SLC1A7: variants seen among roughly 807,000 people sequenced by gnomAD.
SLC1A7 encodes the protein solute carrier family 1 member 7.
In SLC1A7, 40 loss-of-function variants were observed where a neutral mutation model predicts 47.7. That is an observed-to-expected ratio of 0.84 (90% CI 0.65 to 1.09). SLC1A7 has a LOEUF of 1.09. SLC1A7 is among the 50% of genes least tolerant of loss of function. SLC1A7 has a pLI of 0.00. For missense variants in SLC1A7, 746 were observed against 769.5 expected (o/e 0.97, Z 0.36); for synonymous variants, 323 against 325.6 (o/e 0.99, Z 0.09).
At chr1:53,096,116 A>T (rs1644486736) in intron 5 of SLC1A7, among the ~76,000 whole-genome samples, 1 of 137,536 alleles carries the variant, frequency 7.3e-6, no homozygotes, top group Non-Finnish European at 1.6e-5. Flanking sequence ...CATTACACTC[A>T]CACACCCCAC....
intron 2 of SLC1A7, among the ~76,000 whole-genome samples, chr1:53,125,568 C>T (rs1644873600): frequency 6.6e-6 from 1 of 152,186 alleles, no homozygotes; most frequent in African/African-American, 2.4e-5. Context: ...TCAAGGCCTC[C>T]AAAATGAACC....
rs1644996084 is a variant in SLC1A7 at position 53,136,538 on chromosome 1, A to ATATATAT, written c.136-2116_136-2110dup. On this transcript the variant is annotated intron_variant, in intron 1 of 10. Transcript: ENST00000371494. ...CTTTAGTCCATATATTTATATAAAC[A>ATATATAT]TATATATAATATATATAAACATATA... Among the ~76,000 whole-genome samples the ATATATAT allele has an allele frequency of 5.7e-5, 3 of 52,500 alleles. No individual in the cohort carries two copies. The South Asian group carries it at 1.1e-3, about 20-fold the overall frequency. 34.4% of individuals were successfully genotyped at this position (52,500 alleles called of 152,430 possible).
chr1:53,123,636 G>T (rs1225489353), intron 2 of SLC1A7, among the ~76,000 whole-genome samples: 1 of 152,238 alleles, frequency 6.6e-6, no homozygotes, highest in East Asian at 1.9e-4. Context: ...ATCGGGCTGG[G>T]CCTCCCAGAG....
intron 5 of SLC1A7, chr1:53,102,125 C>A (rs1644590407): frequency 6.6e-6 from 1 of 152,262 alleles, no homozygotes; most frequent in African/African-American, 2.4e-5. Flanking sequence ...GTCAGATGTG[C>A]CGAGAGGCAC....
chr1:53,119,587 A>G (rs1040098081), intron 2 of SLC1A7, among the ~76,000 whole-genome samples: 1 of 152,060 alleles, frequency 6.6e-6, no homozygotes, highest in Non-Finnish European at 1.5e-5. Context: ...CCTGAGCCCA[A>G]ATGATCCTCC....
Position 53,114,584 on chromosome 1 carries a change from G to T in SLC1A7, c.431+174C>A, listed in dbSNP as rs967840852. On this transcript the variant is annotated intron_variant, in intron 3 of 10. Coordinates refer to ENST00000371494, the MANE Select transcript of SLC1A7 (RefSeq NM_006671.6). ...CAGGCTGCAAGGTGCTTCTAGCCTGGTGGGGCAGACGATGCAGCATGAGCC... is the reference window on the plus strand; with the variant it reads ...CAGGCTGCAAGGTGCTTCTAGCCTGTTGGGGCAGACGATGCAGCATGAGCC... 2.0e-5 allele frequency: 12 copies of T among 615,204 alleles called. No homozygotes were observed. The Admixed American group carries it at 3.1e-4, about 16-fold the overall frequency. 38.1% of individuals were successfully genotyped at this position (615,204 alleles called of 1,614,324 possible).
chr1:53,112,474 T>A (rs1385262676), intron 3 of SLC1A7, among the ~76,000 whole-genome samples: 1 of 152,248 alleles, frequency 6.6e-6, no homozygotes, highest in Admixed American at 6.5e-5. Flanking sequence ...TGGTTTGTTA[T>A]GCAGCAGTAA....
At chr1:53,093,889 G>T (rs1644455076) in intron 5 of SLC1A7, among the ~76,000 whole-genome samples, 1 of 152,106 alleles carries the variant, frequency 6.6e-6, no homozygotes, top group Non-Finnish European at 1.5e-5. Context: ...AGCCCCACTC[G>T]AGTGGGCCCT....
rs1022966852 is a variant in SLC1A7, at chr1:53,090,506, G to A, written c.1226+106C>T. The A allele has an allele frequency of 2.4e-5, 34 of 1,430,258 alleles. No homozygotes were observed. In the Admixed American group the frequency reaches 2.7e-4, roughly 11 times the overall value. The allele number at this position is 1,430,258 out of a possible 1,614,324, so 88.6% of individuals were successfully genotyped here. ...CCTGGCCCTCTGCCTGCTGTGCTCC[G>A]AGCCCAGGCTCGCTCGCTTCAGATA... is the stretch of plus-strand genomic sequence containing the variant. On this transcript the variant is annotated intron_variant, in intron 8 of 10. Coordinates refer to ENST00000371494, the MANE Select transcript of SLC1A7 (RefSeq NM_006671.6).
intron 5 of SLC1A7, chr1:53,102,190 A>C (rs1226180641): frequency 2.0e-5 from 3 of 152,250 alleles, no homozygotes; most frequent in South Asian, 2.1e-4. Context: ...GCCCCTCTGC[A>C]CACCTGGCGT....
At chr1:53,112,999 G>A (rs1018138470) in intron 3 of SLC1A7, among the ~76,000 whole-genome samples, 4 of 151,588 alleles carry the variant, frequency 2.6e-5, no homozygotes, top group African/African-American at 9.7e-5. Flanking sequence ...TCTCACCAGG[G>A]AGCAGGCAGA....
chr1:53,088,016 T>A lies in SLC1A7; in HGVS notation c.1676A>T (p.Asn559Ile), dbSNP rs368205330. ...CCCTGCAGCTCCGCAGGCTCAGACATTGGTCTCCAGCTCACTGATCTGGAT... is the reference window on the plus strand; with the variant it reads ...CCCTGCAGCTCCGCAGGCTCAGACAATGGTCTCCAGCTCACTGATCTGGAT... ...CTIQISELET[N>I]V is the part of the protein sequence containing the mutation. Residue 559 changes from asparagine to isoleucine, a missense_variant, in exon 11 of 11, where the codon AAT becomes ATT. Physicochemically the swap from Asn to Ile is moderately radical, Grantham distance 149. Coordinates refer to ENST00000371494, the MANE Select transcript of SLC1A7 (RefSeq NM_006671.6). 2.7e-6 allele frequency: 4 copies of A among 1,504,684 alleles called. No homozygotes were observed. Among genetic ancestry groups the A allele is most frequent in the Non-Finnish European group, 3.6e-6 (4 of 1,117,666 alleles). The allele number at this position is 1,504,684 out of a possible 1,614,324, so 93.2% of individuals were successfully genotyped here.
rs747730406 is a variant in SLC1A7, at chr1:53,091,030, G to A, written c.1032-224C>T. 1.6e-5 allele frequency: 22 copies of A among 1,357,580 alleles called. No homozygotes were observed. The African/African-American group carries it at 2.6e-4, about 16-fold the overall frequency. The allele number at this position is 1,357,580 out of a possible 1,614,324, so 84.1% of individuals were successfully genotyped here. On this transcript the variant is annotated intron_variant, in intron 7 of 10. Coordinates refer to ENST00000371494, the MANE Select transcript of SLC1A7 (RefSeq NM_006671.6). Reference sequence around the variant, plus strand: ...GCATTTTACAGATGAGGAAGCTGACGCCCAGAGGGCGGGGCTGACCCATGT... The same window carrying A: ...GCATTTTACAGATGAGGAAGCTGACACCCAGAGGGCGGGGCTGACCCATGT...
intron 3 of SLC1A7, among the ~76,000 whole-genome samples, chr1:53,109,634 C>T (rs1325343389): frequency 2.0e-5 from 3 of 152,170 alleles, no homozygotes; most frequent in Non-Finnish European, 4.4e-5. Flanking sequence ...AGTTCTCTTC[C>T]TGGTCATCAG....
intron 2 of SLC1A7, among the ~76,000 whole-genome samples, chr1:53,121,515 G>A (rs1157514537): frequency 5.3e-5 from 8 of 152,202 alleles, no homozygotes; most frequent in African/African-American, 1.4e-4. Flanking sequence ...CTCTGCTTTC[G>A]GCCCTCTCCT....
intron 1 of SLC1A7, among the ~76,000 whole-genome samples, chr1:53,142,022 C>T (rs1473866524): frequency 6.6e-6 from 1 of 152,172 alleles, no homozygotes; most frequent in Non-Finnish European, 1.5e-5. Context: ...CCCCTCTTTC[C>T]CCGCCACAGC....
Position 53,134,336 on chromosome 1 carries a change from AC to A in SLC1A7, c.215+13del, listed in dbSNP as rs1335614355. ...TCCTGGTTCCGGACCACCTGGTCAA[AC>A]CCCCGCTCTCACCTGGAGACCACCA... On this transcript the variant is annotated intron_variant, in intron 2 of 10. Transcript: ENST00000371494. The A allele has an allele frequency of 1.9e-6, 3 of 1,606,724 alleles. No homozygotes were observed. Among genetic ancestry groups the A allele is most frequent in the Non-Finnish European group, 2.6e-6 (3 of 1,174,660 alleles).
At chr1:53,138,675 T>C (rs1480899368) in intron 1 of SLC1A7, among the ~76,000 whole-genome samples, 1 of 152,048 alleles carries the variant, frequency 6.6e-6, no homozygotes, top group African/African-American at 2.4e-5. Flanking sequence ...GCCAAAGTTT[T>C]TATATTAATA....
intron 2 of SLC1A7, among the ~76,000 whole-genome samples, chr1:53,117,761 G>A (rs574607376): frequency 7.9e-5 from 12 of 152,366 alleles, no homozygotes; most frequent in Admixed American, 5.2e-4. Flanking sequence ...CGGGGACGAA[G>A]AGGCCTAACA....
Sources: gnomAD v4.1 joint callset for allele counts (sites outside exome capture counted in the v4.1 genomes callset) on GRCh38, gnomAD v4.1.1 for gene constraint, MANE v1.5 for transcripts, NCBI Gene and HGNC (gene_info 2026-07-23, HGNC 2026-07-21) for gene names.